Variants in CTNNA3 observed in about 807,000 individuals in gnomAD.
CTNNA3 encodes the protein catenin alpha-3.
A neutral mutation model predicts 95.7 loss-of-function variants in CTNNA3; 76 were observed. That is an observed-to-expected ratio of 0.79 (90% confidence interval 0.66 to 0.96). The LOEUF (loss-of-function observed/expected upper bound fraction) is 0.96, where lower values mean the gene tolerates loss of function less well. CTNNA3 is among the 40% of genes least tolerant of loss of function. The probability of loss-of-function intolerance (pLI) is 0.00; values close to 1 mark genes in which losing one functional copy is unlikely to be tolerated. For missense variants in CTNNA3, 1,191 were observed against 1,089.8 expected (o/e 1.09, Z -1.31); for synonymous variants, 431 against 374.4 (o/e 1.15, Z -1.74).
At chr10:67,315,925 C>T (rs1841030210) in intron 5 of CTNNA3, among the ~76,000 whole-genome samples, 1 of 152,036 alleles carries the variant, frequency 6.6e-6, no homozygotes, top group Non-Finnish European at 1.5e-5. Flanking sequence ...TTCCTATGAC[C>T]ATCACTACAT....
chr10:66,507,734 CTTTA>C (rs1564498560), intron 11 of CTNNA3, among the ~76,000 whole-genome samples: 3 of 151,784 alleles, frequency 2.0e-5, no homozygotes, highest in Admixed American at 6.6e-5. Flanking sequence ...ATTACATTTT[CTTTA>C]TTTATTCATC....
chr10:67,573,246 G>C (rs373381062), intron 3 of CTNNA3, among the ~76,000 whole-genome samples: 3 of 152,132 alleles, frequency 2.0e-5, no homozygotes, highest in African/African-American at 7.2e-5. Context: ...AATGGGAAAA[G>C]CCCAGTGTCC....
chr10:67,604,877 T>G (rs1202036616), intron 3 of CTNNA3, among the ~76,000 whole-genome samples: 2 of 152,214 alleles, frequency 1.3e-5, no homozygotes, highest in African/African-American at 4.8e-5. Flanking sequence ...CAAATTATTT[T>G]GCACATTATG....
intron 9 of CTNNA3, among the ~76,000 whole-genome samples, chr10:66,733,621 A>C (rs1281446647): frequency 1.3e-5 from 2 of 151,826 alleles, no homozygotes; most frequent in African/African-American, 4.8e-5. Context: ...CATCTAAAAA[A>C]AATGCTTACT....
chr10:67,632,661 C>T (rs942184492), intron 2 of CTNNA3, among the ~76,000 whole-genome samples: 25 of 152,250 alleles, frequency 1.6e-4, no homozygotes, highest in Admixed American at 2.0e-4. Flanking sequence ...GCTTTTCCCA[C>T]GGATCTTTGT....
chr10:66,293,990 T>A (rs1386141787), intron 12 of CTNNA3, among the ~76,000 whole-genome samples: 2 of 151,994 alleles, frequency 1.3e-5, no homozygotes, highest in African/African-American at 4.8e-5. Flanking sequence ...AAGAAAAAAA[T>A]CAAGCACCTT....
intron 7 of CTNNA3, among the ~76,000 whole-genome samples, chr10:66,952,442 A>G (rs1171972290): frequency 6.6e-6 from 1 of 152,210 alleles, no homozygotes; most frequent in Non-Finnish European, 1.5e-5. Flanking sequence ...TTAAGCTACG[A>G]AGGGCCTTGG....
intron 7 of CTNNA3, among the ~76,000 whole-genome samples, chr10:66,980,436 T>C (rs747238617): frequency 6.9e-6 from 1 of 145,130 alleles, no homozygotes; most frequent in Non-Finnish European, 1.5e-5. Context: ...CTGCCACAGC[T>C]GTCACTGGCC....
Position 66,290,866 on chromosome 10 carries a change from A to G in CTNNA3, c.1733-10245T>C, listed in dbSNP as rs931670280. Among the ~76,000 whole-genome samples, 10 of 152,290 alleles carry G rather than the reference A, an allele frequency of 6.6e-5. No homozygotes were observed. In the East Asian group the frequency reaches 1.9e-3, roughly 29 times the overall value. On this transcript the variant is annotated intron_variant, in intron 12 of 17. Coordinates refer to ENST00000433211, the MANE Select transcript of CTNNA3 (RefSeq NM_013266.4). The stretch of plus-strand genomic sequence containing the variant: ...GATGGTCATTCAGGTTTATCAGGCA[A>G]AAGAACTTCCAACACTTGTTTTAGA...
At chr10:65,950,290 C>T (rs2077587949) in intron 17 of CTNNA3, among the ~76,000 whole-genome samples, 1 of 152,134 alleles carries the variant, frequency 6.6e-6, no homozygotes, top group Non-Finnish European at 1.5e-5. Context: ...AAATATCATC[C>T]ATACAGTCTT....
chr10:66,830,734 C>A (rs569572155), intron 7 of CTNNA3, among the ~76,000 whole-genome samples: 77 of 152,096 alleles, frequency 5.1e-4, no homozygotes, highest in Admixed American at 2.7e-3. Flanking sequence ...CTCAGCCTCC[C>A]GAGTAGCTGG....
chr10:67,117,702 A>G (rs1439876050), intron 7 of CTNNA3, among the ~76,000 whole-genome samples: 1 of 152,052 alleles, frequency 6.6e-6, no homozygotes, highest in Non-Finnish European at 1.5e-5. Context: ...ATCACAAGAT[A>G]CAAGGTAAAG....
intron 9 of CTNNA3, among the ~76,000 whole-genome samples, chr10:66,735,088 T>A (rs1849090724): frequency 6.6e-6 from 1 of 151,740 alleles, no homozygotes; most frequent in Admixed American, 6.6e-5. Context: ...TTATTCTGTA[T>A]AACAGACTAG....
chr10:67,534,657 T>A (rs1258537994), intron 4 of CTNNA3, among the ~76,000 whole-genome samples: 1 of 152,106 alleles, frequency 6.6e-6, no homozygotes, highest in African/African-American at 2.4e-5. Flanking sequence ...CTCTGGTAGG[T>A]TGGAGAATGT....
intron 7 of CTNNA3, among the ~76,000 whole-genome samples, chr10:67,066,066 G>T (rs920971456): frequency 6.6e-6 from 1 of 152,120 alleles, no homozygotes; most frequent in Non-Finnish European, 1.5e-5. Flanking sequence ...TTTAGGGTCT[G>T]TGTGAAACTT....
At chr10:67,060,229 G>T (rs930874695) in intron 7 of CTNNA3, among the ~76,000 whole-genome samples, 5 of 152,078 alleles carry the variant, frequency 3.3e-5, no homozygotes, top group African/African-American at 1.2e-4. Flanking sequence ...GAGATGGGAG[G>T]ATTAATTGGG....
Position 66,248,117 on chromosome 10 carries a change from C to T in CTNNA3, c.1884+32353G>A, listed in dbSNP as rs116654734. 2.9e-3 allele frequency among the ~76,000 whole-genome samples: 435 copies of T among 152,108 alleles called. 1 individual carries two copies. The highest frequency in any genetic ancestry group is 0.01 in the Middle Eastern group (3 of 292). ...TAAAAGGCAGTGAGATAAAGTGTAG[C>T]ATTTCTATTAGTTTTTTTCTCATTT... On this transcript the variant is annotated intron_variant, in intron 13 of 17. Coordinates refer to ENST00000433211, the MANE Select transcript of CTNNA3 (RefSeq NM_013266.4).
intron 11 of CTNNA3, among the ~76,000 whole-genome samples, chr10:66,405,128 A>G (rs2093047589): frequency 6.6e-6 from 1 of 152,182 alleles, no homozygotes. Context: ...TAATGGACAC[A>G]GAATGAGTGT....
intron 7 of CTNNA3, among the ~76,000 whole-genome samples, chr10:66,806,230 A>G (rs1362780622): frequency 6.6e-6 from 1 of 150,960 alleles, no homozygotes; most frequent in African/African-American, 2.4e-5. Context: ...GTCTAAGCAC[A>G]TAGTATTTAC....
Sources: allele counts gnomAD v4.1 joint callset (sites outside exome capture counted in the v4.1 genomes callset), GRCh38; gene constraint gnomAD v4.1.1; transcripts MANE v1.5; gene names NCBI Gene and HGNC (gene_info 2026-07-23, HGNC 2026-07-21).